SP4: variants seen among roughly 807,000 people sequenced by gnomAD.
SP4 encodes Sp4 transcription factor.
A neutral mutation model predicts 72.8 loss-of-function variants in SP4; 19 were observed. That is an observed-to-expected ratio of 0.26 (90% CI 0.18 to 0.38). The LOEUF is 0.38. Among genes scored for constraint, SP4 ranks in the 10% least tolerant of loss-of-function variants. The pLI is 1.00. For missense variants in SP4, 1,008 were observed against 926.3 expected, an observed-to-expected ratio of 1.09 and a Z score of -1.14; for synonymous variants, 395 against 333.1, an observed-to-expected ratio of 1.19 and a Z score of -2.02.
intron 5 of SP4, among the ~76,000 whole-genome samples, chr7:21,508,351 C>T (rs866164590): frequency 1.3e-5 from 2 of 152,186 alleles, no homozygotes; most frequent in East Asian, 1.9e-4. Context: ...TAGGCAGGCA[C>T]ACCCGGGGCA....
intron 3 of SP4, among the ~76,000 whole-genome samples, chr7:21,452,231 AGTTCT>A (rs1783623113): frequency 2.0e-5 from 3 of 152,214 alleles, no homozygotes; most frequent in Admixed American, 2.0e-4. Context: ...AATAAGCTTT[AGTTCT>A]GTTATACTTG....
intron 3 of SP4, among the ~76,000 whole-genome samples, chr7:21,440,646 T>C: frequency 6.6e-6 from 1 of 152,004 alleles, no homozygotes; most frequent in Non-Finnish European, 1.5e-5. Flanking sequence ...GCTCAGGAGT[T>C]TGAGACCAGC....
Position 21,429,801 on chromosome 7 carries a change from C to A in SP4, c.636C>A (p.Asn212Lys). 1 of 1,614,198 alleles carries A rather than the reference C, an allele frequency of 6.2e-7. No individual in the cohort carries two copies. Among genetic ancestry groups the A allele is most frequent in the Admixed American group, 1.7e-5 (1 of 60,022 alleles). ...ATCAAGCTATACTCACAGCTGCTAA[C>A]AGGACAGCTTCTGGGAATATTCTTG... The part of the protein sequence containing the change: ...GNNQAILTAA[N>K]RTASGNILAQ... The change falls in exon 3 of 6, where the codon AAC (asparagine) becomes AAA (lysine). Residue 212 changes from asparagine to lysine, a missense_variant. Coordinates refer to ENST00000222584, the MANE Select transcript of SP4 (RefSeq NM_003112.5).
Position 21,492,519 on chromosome 7 carries a change from AAAT to A in SP4, c.2107+10397_2107+10399del, listed in dbSNP as rs149416846. Among the ~76,000 whole-genome samples, 67 of 152,330 alleles carry A rather than the reference AAAT, an allele frequency of 4.4e-4. 1 individual carries two copies. In the East Asian group the frequency reaches 0.013, roughly 28 times the overall value. ...GCAAATATTCAAAAATCTGGGAAAA[AAAT>A]CCAAAATCTGAAACACTTATAGGCC... is the stretch of plus-strand genomic sequence containing the variant. On this transcript the variant is annotated intron_variant, in intron 5 of 5. Coordinates refer to ENST00000222584, the MANE Select transcript of SP4 (RefSeq NM_003112.5).
chr7:21,510,995 A>T, intron 5 of SP4, 27 bp from the exon 6 acceptor site: 2 of 1,577,954 alleles, frequency 1.3e-6, no homozygotes, highest in Non-Finnish European at 8.6e-7. Context: ...AAATGTGTAT[A>T]ACGCCATTTA....
chr7:21,513,046 ACAT>A lies in SP4; in HGVS notation c.*1781_*1783del, dbSNP rs1227199224. ...TTTTACCTACCTGCTCAATTTATTA[ACAT>A]CATTGCTTTGGGGACTGTTTGAATA... On this transcript the variant is annotated 3_prime_UTR_variant, in exon 6 of 6. Transcript: ENST00000222584. 1.3e-5 allele frequency: 2 copies of A among 152,670 alleles called. No individual in the cohort carries two copies. The highest frequency in any genetic ancestry group is 2.9e-5 in the Non-Finnish European group (2 of 68,048). 9.5% of individuals were successfully genotyped at this position (152,670 alleles called of 1,614,324 possible). A position where few individuals can be genotyped will look rare whatever the true frequency, so the allele number is the denominator to read the frequency against.
At chr7:21,444,561 C>T (rs540426887) in intron 3 of SP4, among the ~76,000 whole-genome samples, 1 of 152,246 alleles carries the variant, frequency 6.6e-6, no homozygotes, top group South Asian at 2.1e-4. Flanking sequence ...CCACTTACTG[C>T]CCTGAATTGT....
At chr7:21,429,256 C>T (rs768238589) in intron 2 of SP4, 33 bp from the exon 3 acceptor site, 29 of 1,251,234 alleles carry the variant, frequency 2.3e-5, no homozygotes, top group African/African-American at 4.5e-5. Context: ...TTTTTTCCCC[C>T]CCCCCTCTCC....
chr7:21,442,037 T>TGTGTGTGTG (rs58513125), intron 3 of SP4, among the ~76,000 whole-genome samples: 1 of 37,824 alleles, frequency 2.6e-5, no homozygotes, highest in African/African-American at 9.2e-5. Flanking sequence ...TGTGTGTGTG[T>TGTGTGTGTG]ATTTTTTTTT....
chr7:21,436,342 TAATC>T (rs760880220), intron 3 of SP4, among the ~76,000 whole-genome samples: 9 of 152,144 alleles, frequency 5.9e-5, no homozygotes, highest in East Asian at 1.9e-4. Context: ...TAAATTTACT[TAATC>T]AAGAAGGAAG....
chr7:21,447,544 G>A lies in SP4; in HGVS notation c.1678+16701G>A, dbSNP rs573282763. Among the ~76,000 whole-genome samples the A allele has an allele frequency of 2.0e-5, 3 of 152,238 alleles. No individual in the cohort carries two copies. In the South Asian group the frequency reaches 6.2e-4, roughly 32 times the overall value. ...TCATAACTGATTTATAGTCCAAGAG[G>A]TCTCATTAGAACAGTGGAAACTATT... On this transcript the variant is annotated intron_variant, in intron 3 of 5. Coordinates refer to ENST00000222584, the MANE Select transcript of SP4 (RefSeq NM_003112.5).
chr7:21,468,384 T>C (rs1455883432), intron 3 of SP4, among the ~76,000 whole-genome samples: 2 of 152,182 alleles, frequency 1.3e-5, no homozygotes, highest in Non-Finnish European at 2.9e-5. Context: ...TGATTCTTCC[T>C]ATCCAAGAAC....
chr7:21,471,192 C>T, intron 3 of SP4: 1 of 523,908 alleles, frequency 1.9e-6, no homozygotes, highest in Non-Finnish European at 3.9e-6. Flanking sequence ...TCATGAAGAA[C>T]TTTATGTACT....
At chr7:21,483,154 A>G (rs932625173) in intron 5 of SP4, among the ~76,000 whole-genome samples, 3 of 151,964 alleles carry the variant, frequency 2.0e-5, no homozygotes, top group African/African-American at 7.2e-5. Context: ...ATTGTTTCTT[A>G]TTTTAAAAAT....
intron 3 of SP4, among the ~76,000 whole-genome samples, chr7:21,459,325 T>TA (rs1443182610): frequency 6.6e-6 from 1 of 152,166 alleles, no homozygotes; most frequent in Non-Finnish European, 1.5e-5. Flanking sequence ...TTCACTGTGT[T>TA]AGCCAGGCTG....
At chr7:21,498,721 T>G (rs1191880660) in intron 5 of SP4, among the ~76,000 whole-genome samples, 1 of 152,176 alleles carries the variant, frequency 6.6e-6, no homozygotes, top group Non-Finnish European at 1.5e-5. Flanking sequence ...GCCTTAATGA[T>G]CATAGTCAAT....
intron 3 of SP4, among the ~76,000 whole-genome samples, chr7:21,463,645 G>A (rs1374371081): frequency 2.6e-5 from 4 of 152,170 alleles, no homozygotes; most frequent in East Asian, 1.9e-4. Context: ...GTTAAATATC[G>A]TGGTTGGAGA....
intron 3 of SP4, among the ~76,000 whole-genome samples, chr7:21,463,464 A>C (rs940864967): frequency 1.3e-5 from 2 of 152,210 alleles, no homozygotes; most frequent in African/African-American, 4.8e-5. Flanking sequence ...CAGAAAGTGG[A>C]TGATAAGAAT....
intron 3 of SP4, among the ~76,000 whole-genome samples, chr7:21,466,052 G>C (rs1017088264): frequency 7.9e-5 from 12 of 152,012 alleles, no homozygotes; most frequent in Admixed American, 5.9e-4. Flanking sequence ...CATCTCCTCT[G>C]TGAAGCCTTC....
Sources: allele counts gnomAD v4.1 joint callset (sites outside exome capture counted in the v4.1 genomes callset), GRCh38; gene constraint gnomAD v4.1.1; transcripts MANE v1.5; gene names NCBI Gene and HGNC (gene_info 2026-07-23, HGNC 2026-07-21).